DCLK1: variants seen among roughly 807,000 people sequenced by gnomAD.
DCLK1 encodes the protein doublecortin like kinase 1.
DCLK1 carries 16 observed loss-of-function variants against 86.2 expected under a neutral mutation model. That is an observed-to-expected ratio of 0.19 (90% CI 0.13 to 0.28). The LOEUF is 0.28. Among genes scored for constraint, DCLK1 ranks in the 10% least tolerant of loss-of-function variants. The pLI, the probability that DCLK1 is intolerant of heterozygous loss-of-function variation, is 1.00. For missense variants in DCLK1, 590 were observed against 940.2 expected (o/e 0.63, Z 4.87); for synonymous variants, 369 against 370.5 (o/e 1.00, Z 0.05).
intron 1 of DCLK1, among the ~76,000 whole-genome samples, chr13:36,126,853 T>C (rs372450292): frequency 1.3e-5 from 2 of 152,210 alleles, no homozygotes; most frequent in African/African-American, 2.4e-5. Context: ...CAAAGTATTG[T>C]CCTTCCTTAC....
intron 3 of DCLK1, among the ~76,000 whole-genome samples, chr13:36,035,930 A>G (rs988044631): frequency 2.0e-5 from 3 of 152,174 alleles, no homozygotes; most frequent in African/African-American, 4.8e-5. Context: ...AGTTATAAAG[A>G]TAACAACATT....
chr13:35,837,217 CCTTT>C (rs1387074071), intron 7 of DCLK1, among the ~76,000 whole-genome samples: 1 of 152,212 alleles, frequency 6.6e-6, no homozygotes, highest in Non-Finnish European at 1.5e-5. Context: ...TGCATGAGGG[CCTTT>C]CTTCTCGATT....
At chr13:35,974,674 G>A (rs1207859873) in intron 3 of DCLK1, among the ~76,000 whole-genome samples, 5 of 152,096 alleles carry the variant, frequency 3.3e-5, no homozygotes, top group African/African-American at 1.2e-4. Context: ...ATGGTTGTAA[G>A]TTTTCTGAGA....
chr13:35,971,550 G>T (rs977739940), intron 3 of DCLK1, among the ~76,000 whole-genome samples: 2 of 152,136 alleles, frequency 1.3e-5, no homozygotes, highest in Non-Finnish European at 2.9e-5. Flanking sequence ...ATCACCTGAG[G>T]TCGGGAGTTC....
chr13:35,787,851 G>A (rs1335839208), intron 16 of DCLK1: 12 of 330,210 alleles, frequency 3.6e-5, no homozygotes, highest in South Asian at 1.3e-4. Context: ...ACACACTAGC[G>A]TGCTATTGTT....
intron 15 of DCLK1, among the ~76,000 whole-genome samples, chr13:35,794,497 G>A (rs1490696918): frequency 1.3e-5 from 2 of 152,204 alleles, no homozygotes; most frequent in East Asian, 3.8e-4. Context: ...AGCATAATGT[G>A]CTGGCTCCTT....
At chr13:35,846,116 G>A in intron 6 of DCLK1, 1 of 984,944 alleles carries the variant, frequency 1.0e-6, no homozygotes, top group Non-Finnish European at 1.2e-6. Context: ...CTTAGTTGAT[G>A]GATTTAAAAA....
chr13:35,976,839 C>T (rs910091827), intron 3 of DCLK1, among the ~76,000 whole-genome samples: 27 of 152,142 alleles, frequency 1.8e-4, no homozygotes, highest in African/African-American at 5.1e-4. Context: ...CGGCCTTCTC[C>T]GAGGTTTTAA....
At chr13:35,911,080 G>A (rs556656486) in intron 4 of DCLK1, among the ~76,000 whole-genome samples, 4 of 144,978 alleles carry the variant, frequency 2.8e-5, no homozygotes, top group East Asian at 2.1e-4. Context: ...TCAGGAGATC[G>A]AGACCATCCT....
At chr13:35,867,885 G>GAT (rs1871921716) in intron 5 of DCLK1, among the ~76,000 whole-genome samples, 1 of 84,962 alleles carries the variant, frequency 1.2e-5, no homozygotes, top group Non-Finnish European at 2.4e-5. Context: ...GAGGGAGAGA[G>GAT]AGAGAGAAAG....
chr13:35,866,043 G>A (rs1476823247), intron 5 of DCLK1, among the ~76,000 whole-genome samples: 2 of 152,142 alleles, frequency 1.3e-5, no homozygotes, highest in Non-Finnish European at 2.9e-5. Context: ...AGGACTGCCA[G>A]CCTTGTGTGT....
At chr13:35,829,325 T>G (rs559057208) in intron 8 of DCLK1, among the ~76,000 whole-genome samples, 1 of 152,314 alleles carries the variant, frequency 6.6e-6, no homozygotes, top group South Asian at 2.1e-4. Context: ...TTCATAATCA[T>G]AGTAAACCAC....
Position 35,886,299 on chromosome 13 carries a change from C to T in DCLK1, c.824-14959G>A, listed in dbSNP as rs114565248. Among the ~76,000 whole-genome samples the T allele has an allele frequency of 7.5e-3, 1,142 of 152,248 alleles. 10 individuals carry two copies. The highest frequency in any genetic ancestry group is 0.026 in the African/African-American group (1,089 of 41,530). ...GTGCTGGGATTATAAGAGTAAGACA[C>T]CATGCCCGGCGAATAGGTTCTTAAG... On this transcript the variant is annotated intron_variant, in intron 4 of 16. Transcript: ENST00000360631.
chr13:36,124,069 G>A (rs1566021960), intron 2 of DCLK1, among the ~76,000 whole-genome samples: 1 of 152,194 alleles, frequency 6.6e-6, no homozygotes, highest in Admixed American at 6.5e-5. Flanking sequence ...ACAGAGTGAG[G>A]TGTCAACCCA....
At chr13:36,037,531 TG>T (rs1311201016) in intron 3 of DCLK1, among the ~76,000 whole-genome samples, 2 of 152,174 alleles carry the variant, frequency 1.3e-5, no homozygotes, top group Non-Finnish European at 2.9e-5. Context: ...TTGCCCAGGC[TG>T]GAGTGCAGTG....
intron 4 of DCLK1, among the ~76,000 whole-genome samples, chr13:35,888,453 C>T (rs1873429505): frequency 6.6e-6 from 1 of 152,114 alleles, no homozygotes; most frequent in South Asian, 2.1e-4. Flanking sequence ...GATTTATTTC[C>T]CTTAAACCTA....
At chr13:35,822,366 G>T (rs1332061561) in intron 11 of DCLK1, among the ~76,000 whole-genome samples, 3 of 150,700 alleles carry the variant, frequency 2.0e-5, no homozygotes, top group African/African-American at 4.9e-5. Flanking sequence ...TCACTATGTT[G>T]CCCCAACTGG....
intron 3 of DCLK1, among the ~76,000 whole-genome samples, chr13:35,995,493 C>T (rs998083803): frequency 2.0e-5 from 3 of 152,296 alleles, no homozygotes; most frequent in East Asian, 1.9e-4. Flanking sequence ...AGAATAAGAA[C>T]ATTTTACTTT....
intron 4 of DCLK1, among the ~76,000 whole-genome samples, chr13:35,897,254 C>A (rs1279657764): frequency 3.3e-5 from 5 of 152,050 alleles, no homozygotes; most frequent in South Asian, 4.2e-4. Context: ...AAACGATTTG[C>A]CTTTTAGAGA....
Sources: gnomAD v4.1 joint callset for allele counts (sites outside exome capture counted in the v4.1 genomes callset) on GRCh38, gnomAD v4.1.1 for gene constraint, MANE v1.5 for transcripts, NCBI Gene and HGNC (gene_info 2026-07-23, HGNC 2026-07-21) for gene names.